The following BCL2 variants were observed in gnomAD, a reference collection of about 807,000 sequenced individuals.
The protein encoded by BCL2 is BCL2 apoptosis regulator, also known as apoptosis regulator Bcl-2.
A neutral mutation model predicts 14.2 loss-of-function variants in BCL2; 1 was observed. The observed-to-expected ratio is 0.07, with a 90% CI of 0.02 to 0.33. The LOEUF is 0.33. Among genes scored for constraint, BCL2 ranks in the 10% least tolerant of loss-of-function variants. The probability of loss-of-function intolerance (pLI) is 0.99; values close to 1 mark genes in which losing one functional copy is unlikely to be tolerated. For synonymous variants in BCL2, 151 were observed against 137.2 expected (o/e 1.10, Z -0.70); for missense variants, 247 against 305.9 (o/e 0.81, Z 1.44).
At chr18:63,262,072 G>A (rs1386401528) in intron 2 of BCL2, among the ~76,000 whole-genome samples, 1 of 128,520 alleles carries the variant, frequency 7.8e-6, no homozygotes, top group African/African-American at 2.8e-5. Flanking sequence ...GAGCCACTGC[G>A]CCCAGCCAAT....
At chr18:63,307,361 A>C (rs1913176602) in intron 2 of BCL2, among the ~76,000 whole-genome samples, 1 of 152,246 alleles carries the variant, frequency 6.6e-6, no homozygotes, top group Admixed American at 6.5e-5. Context: ...GTTAATTTTT[A>C]ATTGAGCCAA....
intron 2 of BCL2, among the ~76,000 whole-genome samples, chr18:63,282,440 G>C (rs185821410): frequency 6.6e-6 from 1 of 152,126 alleles, no homozygotes; most frequent in Admixed American, 6.5e-5. Context: ...CCTTGAAAAC[G>C]ATCTGTCCAA....
chr18:63,133,140 C>T lies in BCL2; in HGVS notation c.586-4381G>A, dbSNP rs568049149. ...CCCAAGGGGACAGGATGGCTAAACT[C>T]CCAGCCGCAGCCTTGCTGCAGGTTT... On this transcript the variant is annotated intron_variant, in intron 2 of 2. Coordinates refer to ENST00000333681, the MANE Select transcript of BCL2 (RefSeq NM_000633.3). 1.5e-4 allele frequency among the ~76,000 whole-genome samples: 23 copies of T among 152,296 alleles called. No individual in the cohort carries two copies. In the South Asian group the frequency reaches 4.6e-3, roughly 30 times the overall value.
At chr18:63,223,568 C>T (rs1346110199) in intron 2 of BCL2, among the ~76,000 whole-genome samples, 1 of 152,126 alleles carries the variant, frequency 6.6e-6, no homozygotes, top group Admixed American at 6.5e-5. Context: ...AGATGCCACA[C>T]ATCAAATAAA....
At chr18:63,167,202 G>A (rs1010432440) in intron 2 of BCL2, among the ~76,000 whole-genome samples, 6 of 151,968 alleles carry the variant, frequency 3.9e-5, no homozygotes, top group African/African-American at 9.7e-5. Context: ...TGTCTTTCTC[G>A]CCTTCCTTCA....
chr18:63,300,122 C>T (rs1044257741), intron 2 of BCL2, among the ~76,000 whole-genome samples: 16 of 152,216 alleles, frequency 1.1e-4, no homozygotes, highest in African/African-American at 3.4e-4. Flanking sequence ...ATGCATCCTG[C>T]AGTGGGGGAG....
At chr18:63,142,352 C>A (rs572488334) in intron 2 of BCL2, among the ~76,000 whole-genome samples, 1 of 152,364 alleles carries the variant, frequency 6.6e-6, no homozygotes, top group African/African-American at 2.4e-5. Flanking sequence ...GTTAAGAAAT[C>A]AGCCTGGGCA....
chr18:63,160,654 T>C (rs1198897117), intron 2 of BCL2, among the ~76,000 whole-genome samples: 3 of 152,054 alleles, frequency 2.0e-5, no homozygotes, highest in South Asian at 4.2e-4. Flanking sequence ...TGGCCCAGGG[T>C]AGCACATTCA....
At chr18:63,169,415 C>G (rs1270809361) in intron 2 of BCL2, among the ~76,000 whole-genome samples, 1 of 121,232 alleles carries the variant, frequency 8.2e-6, no homozygotes, top group Non-Finnish European at 1.7e-5. Flanking sequence ...TTCTTTCTCT[C>G]TCTCTCTCTC....
intron 2 of BCL2, among the ~76,000 whole-genome samples, chr18:63,154,197 T>C (rs1187207709): frequency 2.6e-5 from 4 of 152,128 alleles, no homozygotes; most frequent in African/African-American, 9.7e-5. Flanking sequence ...CCTCTTCTTT[T>C]CCTATGGACA....
intron 2 of BCL2, among the ~76,000 whole-genome samples, chr18:63,134,174 G>A (rs1914147681): frequency 6.6e-6 from 1 of 152,124 alleles, no homozygotes; most frequent in Admixed American, 6.5e-5. Flanking sequence ...GCATTTAAGA[G>A]GCTATTCTGA....
At chr18:63,302,973 G>T in intron 2 of BCL2, 1 of 731,726 alleles carries the variant, frequency 1.4e-6, no homozygotes, top group Non-Finnish European at 1.7e-6. Flanking sequence ...TTGTTTTTAA[G>T]TAGAATAAAA....
At chr18:63,270,903 C>T (rs537161407) in intron 2 of BCL2, among the ~76,000 whole-genome samples, 2 of 152,044 alleles carry the variant, frequency 1.3e-5, no homozygotes, top group Non-Finnish European at 2.9e-5. Flanking sequence ...TTTTGACCTC[C>T]GCCTCTCAAG....
intron 2 of BCL2, among the ~76,000 whole-genome samples, chr18:63,241,601 T>A (rs1391273902): frequency 6.6e-6 from 1 of 152,212 alleles, no homozygotes; most frequent in East Asian, 1.9e-4. Context: ...CAGCAGATCA[T>A]CTGGTCTCTA....
chr18:63,308,321 T>C (rs944805837), intron 2 of BCL2, among the ~76,000 whole-genome samples: 1 of 152,216 alleles, frequency 6.6e-6, no homozygotes, highest in Non-Finnish European at 1.5e-5. Flanking sequence ...CAGTTCTTTT[T>C]ATATTTGAGC....
chr18:63,257,096 AT>A (rs1568249230), intron 2 of BCL2, among the ~76,000 whole-genome samples: 1 of 152,210 alleles, frequency 6.6e-6, no homozygotes, highest in African/African-American at 2.4e-5. Context: ...ATAATAGCTG[AT>A]TTATTAATAT....
chr18:63,225,129 G>A (rs4987774), intron 2 of BCL2, among the ~76,000 whole-genome samples: 140,699 of 152,124 alleles, frequency 0.92, 65,546 homozygotes, highest in Non-Finnish European at 0.99. Flanking sequence ...TAGAGGAAAA[G>A]TCTGTACCAG....
At chr18:63,262,501 G>A (rs1027124092) in intron 2 of BCL2, among the ~76,000 whole-genome samples, 3 of 152,178 alleles carry the variant, frequency 2.0e-5, no homozygotes, top group Admixed American at 6.5e-5. Flanking sequence ...CAGCCCTTCT[G>A]CATTTCCAGG....
At chr18:63,133,491 T>C (rs1431084503) in intron 2 of BCL2, among the ~76,000 whole-genome samples, 2 of 152,062 alleles carry the variant, frequency 1.3e-5, no homozygotes, top group Non-Finnish European at 2.9e-5. Context: ...GGGTTTCATG[T>C]TGGCCAGGCT....
Sources: gnomAD v4.1 joint callset for allele counts (sites outside exome capture counted in the v4.1 genomes callset) on GRCh38, gnomAD v4.1.1 for gene constraint, MANE v1.5 for transcripts, NCBI Gene and HGNC (gene_info 2026-07-23, HGNC 2026-07-21) for gene names.